GRIK3: variants seen among roughly 807,000 people sequenced by gnomAD.
GRIK3 encodes glutamate ionotropic receptor kainate type subunit 3, also known as glutamate receptor ionotropic, kainate 3.
GRIK3 carries 29 observed loss-of-function variants against 102.5 expected under a neutral mutation model. The observed-to-expected ratio is 0.28, with a 90% CI of 0.21 to 0.39. The LOEUF (loss-of-function observed/expected upper bound fraction) is 0.39. Among genes scored for constraint, GRIK3 ranks in the 10% least tolerant of loss-of-function variants. The pLI is 1.00. For synonymous variants in GRIK3, 511 were observed against 504.9 expected (o/e 1.01, Z -0.16); for missense variants, 908 against 1,252.4 (o/e 0.73, Z 4.15).
intron 1 of GRIK3, among the ~76,000 whole-genome samples, chr1:36,909,346 T>C (rs569204): frequency 0.012 from 1,758 of 151,672 alleles, 60 homozygotes; most frequent in East Asian, 0.11. Context: ...TCACCCAGGC[T>C]GGAGTGCAGT....
chr1:36,862,109 T>C (rs1322195673), intron 5 of GRIK3, among the ~76,000 whole-genome samples: 4 of 152,092 alleles, frequency 2.6e-5, no homozygotes, highest in African/African-American at 7.2e-5. Context: ...CAAGTCAAAG[T>C]TGAATTTGTA....
intron 10 of GRIK3, among the ~76,000 whole-genome samples, chr1:36,840,256 G>A (rs1265819708): frequency 1.3e-5 from 2 of 152,098 alleles, no homozygotes; most frequent in Non-Finnish European, 2.9e-5. Flanking sequence ...TATGGATCAG[G>A]TCCTTGAATT....
intron 10 of GRIK3, among the ~76,000 whole-genome samples, chr1:36,827,255 AT>A (rs1344487868): frequency 6.6e-6 from 1 of 152,130 alleles, no homozygotes; most frequent in African/African-American, 2.4e-5. Flanking sequence ...CCCAAGCCCC[AT>A]CTCAGCCTCT....
intron 5 of GRIK3, among the ~76,000 whole-genome samples, chr1:36,867,004 G>C (rs1386662046): frequency 6.6e-6 from 1 of 152,184 alleles, no homozygotes; most frequent in Non-Finnish European, 1.5e-5. Flanking sequence ...CAGCTTGTGA[G>C]CTTTGTGTTG....
intron 1 of GRIK3, among the ~76,000 whole-genome samples, chr1:37,030,858 T>G (rs1642819637): frequency 1.3e-5 from 2 of 151,986 alleles, no homozygotes. Context: ...GCCAACCAAA[T>G]AGTTTACAGA....
chr1:36,913,624 G>A (rs1481376536), intron 1 of GRIK3, among the ~76,000 whole-genome samples: 10 of 152,080 alleles, frequency 6.6e-5, no homozygotes, highest in African/African-American at 2.2e-4. Context: ...CTGCTGGAGT[G>A]ACAGAAAGGG....
rs548291776 is a variant in GRIK3, at chr1:36,995,424, C to T, written c.115+38570G>A. 5.8e-4 allele frequency among the ~76,000 whole-genome samples: 88 copies of T among 152,266 alleles called. 2 individuals are homozygous for T. Among genetic ancestry groups the T allele is most frequent in the South Asian group, 8.3e-4 (4 of 4,818 alleles). Reference sequence around the variant, plus strand: ...GATGGCCAGGGTCCACAAACATGGCCTCCATGTGAAAAGTACTAGGTAACA... The same window carrying T: ...GATGGCCAGGGTCCACAAACATGGCTTCCATGTGAAAAGTACTAGGTAACA... On this transcript the variant is annotated intron_variant, in intron 1 of 15. Coordinates refer to ENST00000373091, the MANE Select transcript of GRIK3 (RefSeq NM_000831.4).
At chr1:36,975,487 G>A (rs1433091780) in intron 1 of GRIK3, among the ~76,000 whole-genome samples, 1 of 151,942 alleles carries the variant, frequency 6.6e-6, no homozygotes, top group Non-Finnish European at 1.5e-5. Flanking sequence ...GTAGAGACAG[G>A]GTTTCACTGT....
chr1:36,972,698 T>C (rs1453020646), intron 1 of GRIK3, among the ~76,000 whole-genome samples: 2 of 152,192 alleles, frequency 1.3e-5, no homozygotes, highest in Non-Finnish European at 2.9e-5. Flanking sequence ...TCTCATGGAA[T>C]CTGCCCAACA....
intron 1 of GRIK3, among the ~76,000 whole-genome samples, chr1:36,917,799 A>G (rs547291687): frequency 6.6e-6 from 1 of 152,354 alleles, no homozygotes; most frequent in Admixed American, 6.5e-5. Flanking sequence ...TGAAGAGGAC[A>G]CCACAGGAAA....
At chr1:36,835,786 G>C (rs750738302) in intron 10 of GRIK3, among the ~76,000 whole-genome samples, 2 of 152,074 alleles carry the variant, frequency 1.3e-5, no homozygotes, top group Non-Finnish European at 2.9e-5. Context: ...TCTTACACCT[G>C]TTTGTCCGGA....
intron 15 of GRIK3, 165 bp downstream of exon 15, chr1:36,804,822 G>T: frequency 1.1e-6 from 1 of 878,958 alleles, no homozygotes; most frequent in Non-Finnish European, 1.7e-6. Flanking sequence ...AAAAGTGCCA[G>T]GTCAGGACAG....
chr1:36,796,377 C>A lies in GRIK3; in HGVS notation c.*5474G>T, dbSNP rs915696212. 1 of 152,192 alleles carries A rather than the reference C, an allele frequency of 6.6e-6. No individual in the cohort carries two copies. The highest frequency in any genetic ancestry group is 1.5e-5 in the Non-Finnish European group (1 of 68,074). 9.4% of individuals were successfully genotyped at this position (152,192 alleles called of 1,614,324 possible). On this transcript the variant is annotated 3_prime_UTR_variant, in exon 16 of 16. Coordinates refer to ENST00000373091, the MANE Select transcript of GRIK3 (RefSeq NM_000831.4). ...TGCTAGGATAGGAGCTACCTTCTTG[C>A]CTCTCATCTTTCACCCCTCTGGCTC...
At chr1:37,028,136 A>G (rs1404485469) in intron 1 of GRIK3, among the ~76,000 whole-genome samples, 4 of 152,220 alleles carry the variant, frequency 2.6e-5, no homozygotes, top group African/African-American at 9.6e-5. Context: ...GAAGGAAGGA[A>G]TAACAAAGAC....
intron 11 of GRIK3, among the ~76,000 whole-genome samples, chr1:36,822,467 A>C (rs2124194572): frequency 6.6e-6 from 1 of 152,320 alleles, no homozygotes; most frequent in African/African-American, 2.4e-5. Context: ...CTCCTCGGCC[A>C]CAGGAGAGAA....
chr1:36,885,839 C>A lies in GRIK3; in HGVS notation c.293-4948G>T, dbSNP rs139198340. On this transcript the variant is annotated intron_variant, in intron 2 of 15. Coordinates refer to ENST00000373091, the MANE Select transcript of GRIK3 (RefSeq NM_000831.4). The stretch of plus-strand genomic sequence containing the variant: ...TTATTTGTGGCTTCAATTTTAAATC[C>A]ATTTTCTGGTCATTTTACAGTAACT... 2.6e-3 allele frequency among the ~76,000 whole-genome samples: 396 copies of A among 152,306 alleles called. 3 individuals are homozygous for A. Among genetic ancestry groups the A allele is most frequent in the African/African-American group, 9.3e-3 (386 of 41,560 alleles).
chr1:36,872,054 C>G lies in GRIK3; in HGVS notation c.732+134G>C. 1.2e-6 allele frequency: 1 copy of G among 807,362 alleles called. No homozygotes were observed. The highest frequency in any genetic ancestry group is 1.9e-6 in the Non-Finnish European group (1 of 529,150). The allele number at this position is 807,362 out of a possible 1,614,324, so 50.0% of individuals were successfully genotyped here. A position where few individuals can be genotyped will look rare whatever the true frequency, so the allele number is the denominator to read the frequency against. ...CTCAGAGAGGCAAACCACCCAAGGTCACACAGCAGGAAAGTGGCAGAGCTA... is the reference window on the plus strand; with the variant it reads ...CTCAGAGAGGCAAACCACCCAAGGTGACACAGCAGGAAAGTGGCAGAGCTA... On this transcript the variant is annotated intron_variant, in intron 4 of 15. Transcript: ENST00000373091. The surrounding 1 kb of genome is among the most constrained non-coding windows in gnomAD (Gnocchi z 5.9).
rs1408667387 is a variant in GRIK3 at position 36,806,730 on chromosome 1, C to A, written c.2092-404G>T. Among the ~76,000 whole-genome samples the A allele has an allele frequency of 2.6e-5, 4 of 152,212 alleles. No individual in the cohort carries two copies. Among genetic ancestry groups the A allele is most frequent in the Non-Finnish European group, 2.9e-5 (2 of 68,044 alleles). On this transcript the variant is annotated intron_variant, in intron 13 of 15. Coordinates refer to ENST00000373091, the MANE Select transcript of GRIK3 (RefSeq NM_000831.4). The surrounding 1 kb of genome is among the most constrained non-coding windows in gnomAD (Gnocchi z 4.0). The stretch of plus-strand genomic sequence containing the variant: ...AGGAGGCAGGCACCATCACAAGCCC[C>A]ATTTTACAAATAAAAAGATTGAGGC...
At chr1:36,907,098 G>C (rs1641291768) in intron 1 of GRIK3, among the ~76,000 whole-genome samples, 1 of 152,138 alleles carries the variant, frequency 6.6e-6, no homozygotes, top group Non-Finnish European at 1.5e-5. Flanking sequence ...GCTGGATTTG[G>C]CTATTGGGCT....
Sources: gnomAD v4.1 joint callset for allele counts (sites outside exome capture counted in the v4.1 genomes callset) on GRCh38, gnomAD v4.1.1 for gene constraint, Gnocchi (gnomAD v3.1) non-coding constraint, MANE v1.5 for transcripts, NCBI Gene and HGNC (gene_info 2026-07-23, HGNC 2026-07-21) for gene names.